PTPRD: variants seen among roughly 807,000 people sequenced by gnomAD.
The protein encoded by PTPRD is protein tyrosine phosphatase receptor type D.
In PTPRD, 34 loss-of-function variants were observed where a neutral mutation model predicts 214.5. The ratio of observed to expected loss-of-function variants is 0.16; its 90% CI spans 0.12 to 0.21. The LOEUF (loss-of-function observed/expected upper bound fraction) is 0.21. Among genes scored for constraint, PTPRD ranks in the 10% least tolerant of loss-of-function variants. The pLI is 1.00. For missense variants in PTPRD, 2,545 were observed against 2,398.7 expected, an observed-to-expected ratio of 1.06 and a Z score of -1.27; for synonymous variants, 1,128 against 845.7, an observed-to-expected ratio of 1.33 and a Z score of -5.79.
intron 8 of PTPRD, among the ~76,000 whole-genome samples, chr9:9,403,470 C>T (rs1230193160): frequency 2.0e-5 from 3 of 150,544 alleles, no homozygotes; most frequent in East Asian, 2.0e-4. Flanking sequence ...AAGATGCACT[C>T]CTTAGATTTT....
In PTPRD at chr9:9,618,023, G is replaced by C. The variant is rs918178786; in HGVS notation, c.-286-43242C>G. On this transcript the variant is annotated intron_variant, in intron 7 of 45. Transcript: ENST00000381196. ...GGAGGCGGAGCTTGCAGTGAGCCCA[G>C]ATCGCGCCACTGCACTCCAGCCTGG... Among the ~76,000 whole-genome samples, 4 of 116,974 alleles carry C rather than the reference G, an allele frequency of 3.4e-5. No individual in the cohort carries two copies. In the Admixed American group the frequency reaches 5.0e-4, roughly 15 times the overall value. 76.7% of individuals were successfully genotyped at this position (116,974 alleles called of 152,430 possible).
In PTPRD at chr9:8,547,538, G is replaced by C. The variant is rs1038487089; in HGVS notation, c.353-18759C>G. Among the ~76,000 whole-genome samples, 3 of 151,634 alleles carry C rather than the reference G, an allele frequency of 2.0e-5. No individual in the cohort carries two copies. In the South Asian group the frequency reaches 6.3e-4, roughly 32 times the overall value. On this transcript the variant is annotated intron_variant, in intron 14 of 45. Coordinates refer to ENST00000381196, the MANE Select transcript of PTPRD (RefSeq NM_002839.4). ...TGTGCCTGTAGTACCAGCTACTCTC[G>C]GGGCTGAGGCAAGAAAATTGCTTGG...
intron 2 of PTPRD, among the ~76,000 whole-genome samples, chr9:10,407,174 G>A (rs1305673699): frequency 1.3e-5 from 2 of 151,524 alleles, no homozygotes; most frequent in African/African-American, 4.8e-5. Flanking sequence ...ATTGGAAAGA[G>A]TCTGAAGGTT....
At chr9:9,019,324 GAAAGAAAGAAAGAACGAA>G (rs2099552531) in intron 10 of PTPRD, among the ~76,000 whole-genome samples, 1 of 61,934 alleles carries the variant, frequency 1.6e-5, no homozygotes, top group African/African-American at 6.3e-5. Context: ...AAGAAAGAAA[GAAAGAAAGAAAGAACGAA>G]AGAAAGAAAG....
At chr9:9,821,348 G>A (rs1598762404) in intron 5 of PTPRD, among the ~76,000 whole-genome samples, 1 of 152,168 alleles carries the variant, frequency 6.6e-6, no homozygotes, top group East Asian at 1.9e-4. Context: ...ATGGCTTCTT[G>A]GGGTATGTGG....
At chr9:8,818,608 A>C (rs1280760478) in intron 11 of PTPRD, among the ~76,000 whole-genome samples, 1 of 152,216 alleles carries the variant, frequency 6.6e-6, no homozygotes, top group Admixed American at 6.5e-5. Context: ...ACATAGTCAA[A>C]AAGTTAAGTC....
At chr9:9,828,332 G>T (rs527973361) in intron 5 of PTPRD, among the ~76,000 whole-genome samples, 1 of 152,134 alleles carries the variant, frequency 6.6e-6, no homozygotes, top group East Asian at 1.9e-4. Flanking sequence ...CCATAAAAAA[G>T]GATGAGTTCA....
chr9:9,999,330 C>A (rs1027221697), intron 4 of PTPRD, among the ~76,000 whole-genome samples: 20 of 152,168 alleles, frequency 1.3e-4, no homozygotes, highest in African/African-American at 4.6e-4. Flanking sequence ...AAATAGAAGA[C>A]CTTAGGCTGA....
At chr9:8,556,100 C>T (rs1026303726) in intron 14 of PTPRD, among the ~76,000 whole-genome samples, 2 of 152,198 alleles carry the variant, frequency 1.3e-5, no homozygotes, top group Admixed American at 6.5e-5. Flanking sequence ...GAATTTCAAG[C>T]TCTCTCGCCC....
intron 8 of PTPRD, among the ~76,000 whole-genome samples, chr9:9,490,736 A>T (rs2095858634): frequency 6.6e-6 from 1 of 151,972 alleles, no homozygotes; most frequent in South Asian, 2.1e-4. Context: ...AATAAAAGTA[A>T]ATGAGAAAAG....
chr9:9,601,675 C>G (rs1381928191), intron 7 of PTPRD, among the ~76,000 whole-genome samples: 2 of 151,956 alleles, frequency 1.3e-5, no homozygotes, highest in African/African-American at 4.8e-5. Flanking sequence ...ATCCTTGATT[C>G]AGTAAATAAT....
At chr9:10,115,135 G>A (rs981678103) in intron 3 of PTPRD, among the ~76,000 whole-genome samples, 4 of 151,816 alleles carry the variant, frequency 2.6e-5, no homozygotes, top group African/African-American at 9.7e-5. Flanking sequence ...GTAAAAATAC[G>A]AGGATTAAAA....
At chr9:9,234,637 C>A (rs1218194790) in intron 9 of PTPRD, among the ~76,000 whole-genome samples, 1 of 152,164 alleles carries the variant, frequency 6.6e-6, no homozygotes, top group African/African-American at 2.4e-5. Flanking sequence ...GCCAGATACC[C>A]TAAATCAACT....
At chr9:9,018,902 G>T (rs1205802135) in intron 10 of PTPRD, among the ~76,000 whole-genome samples, 167 bp from the exon 11 acceptor site, 13 of 152,020 alleles carry the variant, frequency 8.6e-5, no homozygotes. Flanking sequence ...ACTTATTGTT[G>T]TAAAAAAGCA....
chr9:9,202,212 T>G (rs2099942270), intron 9 of PTPRD, among the ~76,000 whole-genome samples: 3 of 152,218 alleles, frequency 2.0e-5, no homozygotes, highest in African/African-American at 7.2e-5. Context: ...AATCTCTTCA[T>G]TCTACTAAAT....
At chr9:10,289,442 A>G (rs763864705) in intron 3 of PTPRD, among the ~76,000 whole-genome samples, 1 of 152,150 alleles carries the variant, frequency 6.6e-6, no homozygotes, top group African/African-American at 2.4e-5. Flanking sequence ...TGACTGCCTA[A>G]CATCAAAGAC....
intron 7 of PTPRD, among the ~76,000 whole-genome samples, chr9:9,642,405 T>G (rs995430065): frequency 2.6e-5 from 4 of 151,532 alleles, no homozygotes; most frequent in Non-Finnish European, 4.4e-5. Context: ...CCCTAAAACT[T>G]AAAGTATAAT....
intron 2 of PTPRD, among the ~76,000 whole-genome samples, chr9:10,365,876 C>G (rs949567403): frequency 6.6e-6 from 1 of 152,100 alleles, no homozygotes; most frequent in African/African-American, 2.4e-5. Context: ...GTAGAAAGCA[C>G]AGCAATGAGA....
chr9:8,722,009 G>A (rs1228077109), intron 12 of PTPRD, among the ~76,000 whole-genome samples: 1 of 152,180 alleles, frequency 6.6e-6, no homozygotes. Context: ...AGACCACTGG[G>A]TTGTCACAAC....
Sources: gnomAD v4.1 joint callset for allele counts (sites outside exome capture counted in the v4.1 genomes callset) on GRCh38, gnomAD v4.1.1 for gene constraint, MANE v1.5 for transcripts, NCBI Gene and HGNC (gene_info 2026-07-23, HGNC 2026-07-21) for gene names.